The following ARHGAP12 variants were observed in gnomAD, a reference collection of about 807,000 sequenced individuals.
ARHGAP12 encodes Rho GTPase activating protein 12, also known as rho GTPase-activating protein 12.
ARHGAP12 carries 64 observed loss-of-function variants against 108.6 expected under a neutral mutation model. The ratio of observed to expected loss-of-function variants is 0.59; its 90% CI spans 0.48 to 0.73. The LOEUF is 0.73. ARHGAP12 is among the 30% of genes least tolerant of loss of function. ARHGAP12 has a pLI of 0.00. For synonymous variants in ARHGAP12, 312 were observed against 337.2 expected (o/e 0.93, Z 0.82); for missense variants, 940 against 1,005.9 (o/e 0.93, Z 0.89).
chr10:31,823,336 G>A (rs1835484292), intron 11 of ARHGAP12, among the ~76,000 whole-genome samples: 1 of 152,130 alleles, frequency 6.6e-6, no homozygotes, highest in Admixed American at 6.5e-5. Flanking sequence ...AAAACCAGTG[G>A]AAGGTATCTG....
rs1370219139 is a variant in ARHGAP12 at position 31,806,953 on chromosome 10, C to G, written c.*705G>C. ...TACTAGATATAATTAGGATTGTTAG[C>G]TACAATTCAGTATAGCAAGACAGCC... On this transcript the variant is annotated 3_prime_UTR_variant, in exon 20 of 20. Transcript: ENST00000344936. 1 of 152,358 alleles carries G rather than the reference C, an allele frequency of 6.6e-6. No individual in the cohort carries two copies. Among genetic ancestry groups the G allele is most frequent in the African/African-American group, 2.4e-5 (1 of 41,440 alleles). The allele number at this position is 152,358 out of a possible 1,614,324, so 9.4% of individuals were successfully genotyped here.
chr10:31,838,934 G>C (rs574324806), intron 9 of ARHGAP12, among the ~76,000 whole-genome samples: 1 of 152,060 alleles, frequency 6.6e-6, no homozygotes, highest in South Asian at 2.1e-4. Context: ...CCTGGTGGGG[G>C]AGGGGCAGGT....
At chr10:31,887,527 T>G (rs769785270) in intron 3 of ARHGAP12, among the ~76,000 whole-genome samples, 2 of 152,192 alleles carry the variant, frequency 1.3e-5, no homozygotes, top group Non-Finnish European at 2.9e-5. Context: ...CATTATCTGT[T>G]GTCAAAGGGT....
At chr10:31,816,320 C>T (rs542614081) in intron 13 of ARHGAP12, among the ~76,000 whole-genome samples, 1 of 152,070 alleles carries the variant, frequency 6.6e-6, no homozygotes, top group Non-Finnish European at 1.5e-5. Flanking sequence ...AACTAATACA[C>T]TAGGTTTGCC....
At chr10:31,877,466 CA>C (rs1033744996) in intron 3 of ARHGAP12, among the ~76,000 whole-genome samples, 3 of 152,124 alleles carry the variant, frequency 2.0e-5, no homozygotes, top group African/African-American at 7.2e-5. Flanking sequence ...GTTGGAAAGT[CA>C]AAAAGATCAC....
chr10:31,843,318 G>A (rs1836335837), intron 7 of ARHGAP12, 143 bp downstream of exon 7: 1 of 905,654 alleles, frequency 1.1e-6, no homozygotes, highest in Non-Finnish European at 1.6e-6. Flanking sequence ...CATACATGCA[G>A]ATCAAAAGCT....
At chr10:31,869,945 A>G (rs921473779) in intron 3 of ARHGAP12, among the ~76,000 whole-genome samples, 2 of 152,206 alleles carry the variant, frequency 1.3e-5, no homozygotes, top group South Asian at 2.1e-4. Flanking sequence ...CTTCTTAATC[A>G]GCACATGCTA....
chr10:31,927,539 T>C (rs956082538), intron 1 of ARHGAP12, among the ~76,000 whole-genome samples: 2 of 152,190 alleles, frequency 1.3e-5, no homozygotes, highest in African/African-American at 4.8e-5. Context: ...CATGCCTAAA[T>C]AGTCGATAAA....
In ARHGAP12 at chr10:31,806,715, G is replaced by C. The variant is rs1224444587; in HGVS notation, c.*943C>G. On this transcript the variant is annotated 3_prime_UTR_variant, in exon 20 of 20. Transcript: ENST00000344936. ...TAGTTAATATCTAAAAGTGCACACA[G>C]TTAACTTTCCCAAATAACGGACTAT... is the stretch of plus-strand genomic sequence containing the variant. The C allele has an allele frequency of 2.0e-5, 3 of 152,518 alleles. No individual in the cohort carries two copies. The highest frequency in any genetic ancestry group is 4.4e-5 in the Non-Finnish European group (3 of 67,988). The allele number at this position is 152,518 out of a possible 1,614,324, so 9.4% of individuals were successfully genotyped here.
intron 1 of ARHGAP12, among the ~76,000 whole-genome samples, chr10:31,917,320 A>C (rs1839603790): frequency 6.6e-6 from 1 of 152,240 alleles, no homozygotes; most frequent in Non-Finnish European, 1.5e-5. Context: ...AGGCAGGAGA[A>C]TATCTTGAAC....
intron 12 of ARHGAP12, among the ~76,000 whole-genome samples, chr10:31,819,014 A>C (rs557402100): frequency 6.1e-4 from 93 of 152,254 alleles, no homozygotes; most frequent in Non-Finnish European, 1.1e-3. Flanking sequence ...GCTCTGTTAT[A>C]GGTTCTTATT....
In ARHGAP12 at chr10:31,812,781, G is replaced by T. The variant is rs199946742; in HGVS notation, c.1877C>A (p.Thr626Asn). ...AAGAAACTTCTTTAAGTTTTTCTTG[G>T]TTTTTTTCTGTTCTGAAGAATCTAT... ...SSIDSSEQKK[T>N]KKNLKKFLTR... is the part of the protein sequence containing the mutation. Residue 626 changes from threonine (T) to asparagine (N), a missense_variant, in exon 15 of 20, where the codon ACC becomes AAC. Thr to Asn is a moderately conservative substitution (Grantham distance 65, BLOSUM62 0). Transcript: ENST00000344936. 458 of 1,608,258 alleles carry T rather than the reference G, an allele frequency of 2.8e-4. 1 individual carries two copies. In the East Asian group the frequency reaches 5.0e-3, roughly 17 times the overall value.
chr10:31,874,949 G>C (rs1837670536), intron 3 of ARHGAP12, among the ~76,000 whole-genome samples: 1 of 126,284 alleles, frequency 7.9e-6, no homozygotes, highest in African/African-American at 3.0e-5. Flanking sequence ...ACTCCAGACT[G>C]GGTGACAACG....
In ARHGAP12 at chr10:31,807,673, G is replaced by A. The variant is rs1395562876; in HGVS notation, c.2526C>T (p.Ser842=). 5.6e-6 allele frequency: 9 copies of A among 1,601,172 alleles called. No homozygotes were observed. Among genetic ancestry groups the A allele is most frequent in the Non-Finnish European group, 7.7e-6 (9 of 1,176,032 alleles). ...TCAGTAAGAATCAACGTCCGAAGATGGAACTCAGTTCCAGAAGAATTAATT... is the reference window on the plus strand; with the variant it reads ...TCAGTAAGAATCAACGTCCGAAGATAGAACTCAGTTCCAGAAGAATTAATT... ...IVELILLELS[S]IFGR is the part of the protein sequence containing the mutation. Residue 842 remains serine (S), a synonymous_variant, in exon 20 of 20, where the codon TCC becomes TCT. Coordinates refer to ENST00000344936, the MANE Select transcript of ARHGAP12 (RefSeq NM_018287.7).
At chr10:31,911,604 C>G (rs1029581509) in intron 1 of ARHGAP12, among the ~76,000 whole-genome samples, 5 of 152,084 alleles carry the variant, frequency 3.3e-5, no homozygotes, top group Non-Finnish European at 7.3e-5. Context: ...GCGACCACAC[C>G]CAGCCTACTT....
chr10:31,840,646 A>G (rs1836228913), intron 7 of ARHGAP12, among the ~76,000 whole-genome samples: 1 of 152,146 alleles, frequency 6.6e-6, no homozygotes, highest in East Asian at 1.9e-4. Flanking sequence ...TTCTATGTCT[A>G]TAAACCTGGA....
At chr10:31,885,029 T>C (rs1232787364) in intron 3 of ARHGAP12, among the ~76,000 whole-genome samples, 3 of 152,154 alleles carry the variant, frequency 2.0e-5, no homozygotes, top group Admixed American at 1.3e-4. Flanking sequence ...AGGTGTACAA[T>C]GTAAAATAAG....
At chr10:31,826,479 A>T in intron 10 of ARHGAP12, 94 bp from the exon 11 acceptor site, 1 of 912,344 alleles carries the variant, frequency 1.1e-6, no homozygotes, top group Non-Finnish European at 1.7e-6. Context: ...TATCAATGTT[A>T]TCTACAATTT....
At chr10:31,878,784 G>A (rs1467703509) in intron 3 of ARHGAP12, among the ~76,000 whole-genome samples, 1 of 152,188 alleles carries the variant, frequency 6.6e-6, no homozygotes, top group Non-Finnish European at 1.5e-5. Flanking sequence ...AACCTAAAAT[G>A]TTTGTTACTG....
Sources: allele counts gnomAD v4.1 joint callset (sites outside exome capture counted in the v4.1 genomes callset), GRCh38; gene constraint gnomAD v4.1.1; transcripts MANE v1.5; gene names NCBI Gene and HGNC (gene_info 2026-07-23, HGNC 2026-07-21).